The following REV1 variants were observed in gnomAD, a reference collection of about 807,000 sequenced individuals.
REV1 encodes REV1 DNA directed polymerase.
Under a neutral mutation model 137.4 loss-of-function variants are expected in REV1, and 42 were observed. The observed-to-expected ratio is 0.31, with a 90% CI of 0.24 to 0.40. The LOEUF is 0.40. Ranked by LOEUF, REV1 falls within the 10% of genes least tolerant of loss-of-function variation. REV1 has a pLI of 1.00. For missense variants in REV1, 1,282 were observed against 1,490.1 expected (o/e 0.86, Z 2.30); for synonymous variants, 524 against 519.2 (o/e 1.01, Z -0.12).
rs981070943 is a variant in REV1, at chr2:99,407,937, T to C, written c.2448+92A>G. On this transcript the variant is annotated intron_variant, in intron 15 of 22. Coordinates refer to ENST00000258428, the MANE Select transcript of REV1 (RefSeq NM_016316.4). ...GCTAAAGACCTACATATAAAGTCCC[T>C]ATACACCAGCAATAACCCTTTTGAG... The C allele has an allele frequency of 1.6e-5, 11 of 682,494 alleles. No homozygotes were observed. In the East Asian group the frequency reaches 3.2e-4, roughly 20 times the overall value. 42.3% of individuals were successfully genotyped at this position (682,494 alleles called of 1,614,324 possible).
chr2:99,480,883 T>C (rs1026850051), intron 1 of REV1, among the ~76,000 whole-genome samples: 6 of 152,298 alleles, frequency 3.9e-5, no homozygotes, highest in East Asian at 1.9e-4. Flanking sequence ...CATTACAACA[T>C]GCTACATTCT....
At chr2:99,453,273 C>T (rs1683125884) in intron 3 of REV1, among the ~76,000 whole-genome samples, 1 of 151,400 alleles carries the variant, frequency 6.6e-6, no homozygotes. Context: ...GCAGCAGAAT[C>T]GCTTGAACCC....
chr2:99,449,834 C>G (rs1056550820), intron 3 of REV1, among the ~76,000 whole-genome samples: 2 of 152,022 alleles, frequency 1.3e-5, no homozygotes, highest in African/African-American at 4.8e-5. Flanking sequence ...TAGCATATGA[C>G]CTTGATATTG....
intron 8 of REV1, among the ~76,000 whole-genome samples, chr2:99,430,282 G>A (rs1371744398): frequency 6.6e-6 from 1 of 151,904 alleles, no homozygotes; most frequent in African/African-American, 2.4e-5. Context: ...TCAGGGAGAT[G>A]AACTCCCTCT....
chr2:99,482,561 G>A (rs1014757552), intron 1 of REV1, among the ~76,000 whole-genome samples: 7 of 152,082 alleles, frequency 4.6e-5, no homozygotes, highest in Admixed American at 1.3e-4. Context: ...TGGGTAGCAG[G>A]TGCCCAAATT....
chr2:99,486,177 A>G (rs1471305915), intron 1 of REV1, among the ~76,000 whole-genome samples: 1 of 152,240 alleles, frequency 6.6e-6, no homozygotes, highest in Non-Finnish European at 1.5e-5. Flanking sequence ...ATCTCATGCC[A>G]AAATACAAAA....
intron 18 of REV1, 135 bp from the exon 19 acceptor site, chr2:99,403,950 A>C: frequency 9.8e-7 from 1 of 1,022,162 alleles, no homozygotes; most frequent in Non-Finnish European, 1.4e-6. Flanking sequence ...GTTCCCCAAT[A>C]TCAAAGCTGA....
At chr2:99,442,050 G>C (rs1233234341) in intron 5 of REV1, among the ~76,000 whole-genome samples, 1 of 151,466 alleles carries the variant, frequency 6.6e-6, no homozygotes, top group Non-Finnish European at 1.5e-5. Flanking sequence ...CCAGGAGTTC[G>C]AGACCAGCCT....
chr2:99,481,963 T>C (rs1166791520), intron 1 of REV1, among the ~76,000 whole-genome samples: 4 of 152,308 alleles, frequency 2.6e-5, no homozygotes, highest in East Asian at 3.9e-4. Context: ...CATGAATCCA[T>C]AATGGGTCCT....
rs1349846168 is a variant in REV1, at chr2:99,488,304, T to C, written c.-11+1513A>G. ...TGATCTTATATATTCAAGCACATTA[T>C]TTTTTAAAAATTATGTTCTACTTGA... On this transcript the variant is annotated intron_variant, in intron 1 of 22. Transcript: ENST00000258428. Among the ~76,000 whole-genome samples, 5 of 119,320 alleles carry C rather than the reference T, an allele frequency of 4.2e-5. 1 individual carries two copies. Among genetic ancestry groups the C allele is most frequent in the African/African-American group, 1.5e-4 (5 of 33,374 alleles). The allele number at this position is 119,320 out of a possible 152,430, so 78.3% of individuals were successfully genotyped here.
At chr2:99,468,967 T>C (rs975165496) in intron 1 of REV1, among the ~76,000 whole-genome samples, 1 of 152,178 alleles carries the variant, frequency 6.6e-6, no homozygotes, top group Non-Finnish European at 1.5e-5. Context: ...ATGATAACAG[T>C]AGACTAGATA....
rs538657043 is a variant in REV1, at chr2:99,401,677, G to C, written c.3645-325C>G. Among the ~76,000 whole-genome samples, 4 of 152,260 alleles carry C rather than the reference G, an allele frequency of 2.6e-5. No homozygotes were observed. The South Asian group carries it at 8.3e-4, about 32-fold the overall frequency. ...CAGGAGAGTCACTGGAACCCAGGAG[G>C]CAGAGGCTGCAGTAAGCCAAGATCC... On this transcript the variant is annotated intron_variant, in intron 22 of 22. Coordinates refer to ENST00000258428, the MANE Select transcript of REV1 (RefSeq NM_016316.4).
intron 1 of REV1, among the ~76,000 whole-genome samples, chr2:99,477,756 C>A (rs1288669066): frequency 6.6e-6 from 1 of 152,198 alleles, no homozygotes; most frequent in Non-Finnish European, 1.5e-5. Context: ...CAATTCAATA[C>A]AACAAAGAGT....
chr2:99,455,386 C>G (rs1410623091), intron 3 of REV1, among the ~76,000 whole-genome samples: 2 of 152,212 alleles, frequency 1.3e-5, no homozygotes, highest in African/African-American at 2.4e-5. Flanking sequence ...ACTCTCTTGA[C>G]TCTTCTCACC....
rs776939529 is a variant in REV1, at chr2:99,410,702, T to A, written c.2338A>T (p.Ile780Phe). Residue 780 changes from isoleucine (I) to phenylalanine (F), a missense_variant, in exon 14 of 23, where the codon ATT becomes TTT. Physicochemically the swap from Ile to Phe is conservative, Grantham distance 21. Around this residue, in one of 7 missense-constraint regions of REV1, gnomAD observed 372 missense variants for 482.3 expected, o/e 0.77. Transcript: ENST00000258428. Reference protein sequence around the residue: ...KFGGHGICDNIARTVTLDQAT... With the variant: ...KFGGHGICDNFARTVTLDQAT... ...TTTCTGAGGTGAGCTTACCTGGCAATGTTATCACAAATTCCATGGCCTCCA... is the reference window on the plus strand; with the variant it reads ...TTTCTGAGGTGAGCTTACCTGGCAAAGTTATCACAAATTCCATGGCCTCCA... The A allele has an allele frequency of 1.3e-6, 2 of 1,587,660 alleles. No homozygotes were observed. The highest frequency in any genetic ancestry group is 1.7e-4 in the Middle Eastern group (1 of 5,932).
At position 99,426,321 on chromosome 2, in the gene REV1, T is replaced by C. The variant is rs569820831; in HGVS notation, c.1548-2041A>G. Among the ~76,000 whole-genome samples the C allele has an allele frequency of 9.3e-5, 14 of 151,152 alleles. No individual in the cohort carries two copies. The East Asian group carries it at 2.7e-3, about 29-fold the overall frequency. On this transcript the variant is annotated intron_variant, in intron 9 of 22. Coordinates refer to ENST00000258428, the MANE Select transcript of REV1 (RefSeq NM_016316.4). ...AAGATCGTGCCATTGCACCTCAGCC[T>C]GGGCAACAAGAGCGAAATTCTATCT...
intron 1 of REV1, among the ~76,000 whole-genome samples, chr2:99,466,247 G>A (rs972544118): frequency 1.3e-5 from 2 of 149,658 alleles, no homozygotes; most frequent in African/African-American, 2.5e-5. Context: ...CACCGTGCCC[G>A]GCCTCTTTTT....
intron 9 of REV1, among the ~76,000 whole-genome samples, chr2:99,426,881 C>T (rs1485329924): frequency 6.6e-6 from 1 of 152,102 alleles, no homozygotes; most frequent in Non-Finnish European, 1.5e-5. Flanking sequence ...GTGTTGGATT[C>T]AACAATATTA....
intron 6 of REV1, among the ~76,000 whole-genome samples, chr2:99,438,211 T>C (rs1681008328): frequency 6.6e-6 from 1 of 152,190 alleles, no homozygotes; most frequent in African/African-American, 2.4e-5. Context: ...AAAAAATCAT[T>C]ATGATGCAAG....
Sources: allele counts gnomAD v4.1 joint callset (sites outside exome capture counted in the v4.1 genomes callset), GRCh38; gene constraint gnomAD v4.1.1; regional missense constraint gnomAD v4.1.1; transcripts MANE v1.5; gene names NCBI Gene and HGNC (gene_info 2026-07-23, HGNC 2026-07-21).